Variants in DLG2 observed in about 807,000 individuals in gnomAD.
DLG2 encodes disks large homolog 2.
A neutral mutation model predicts 132.5 loss-of-function variants in DLG2; 45 were observed. That is an observed-to-expected ratio of 0.34 (90% CI 0.27 to 0.44). The LOEUF is 0.44. Ranked by LOEUF, DLG2 falls within the 20% of genes least tolerant of loss-of-function variation. The pLI is 1.00. For synonymous variants in DLG2, 424 were observed against 419.6 expected (o/e 1.01, Z -0.13); for missense variants, 1,045 against 1,196.9 (o/e 0.87, Z 1.87).
At chr11:84,396,456 C>A (rs2098811382) in intron 7 of DLG2, among the ~76,000 whole-genome samples, 1 of 152,162 alleles carries the variant, frequency 6.6e-6, no homozygotes, top group South Asian at 2.1e-4. Context: ...TACCAGACAG[C>A]ACAACATAAT....
chr11:83,632,360 G>A (rs2063706603), intron 19 of DLG2: 1 of 152,246 alleles, frequency 6.6e-6, no homozygotes, highest in African/African-American at 2.4e-5. Context: ...GGCCAGAGTG[G>A]GGAGTGGAGA....
At chr11:84,189,923 C>A (rs192290179) in intron 8 of DLG2, among the ~76,000 whole-genome samples, 1 of 151,548 alleles carries the variant, frequency 6.6e-6, no homozygotes. Flanking sequence ...ACCACCATGG[C>A]ACACGTTTCC....
intron 6 of DLG2, among the ~76,000 whole-genome samples, chr11:84,787,007 C>A (rs1330885276): frequency 6.6e-6 from 1 of 152,072 alleles, no homozygotes; most frequent in African/African-American, 2.4e-5. Flanking sequence ...GGAACCCAAA[C>A]CAATCTAATT....
chr11:84,189,280 C>A (rs1480015350), intron 8 of DLG2, among the ~76,000 whole-genome samples: 1 of 152,128 alleles, frequency 6.6e-6, no homozygotes, highest in Admixed American at 6.6e-5. Flanking sequence ...AATGAAATAC[C>A]ATCTCACACC....
At chr11:83,860,188 A>G (rs979336136) in intron 16 of DLG2, among the ~76,000 whole-genome samples, 2 of 152,356 alleles carry the variant, frequency 1.3e-5, no homozygotes, top group African/African-American at 4.8e-5. Context: ...GGCACCACCT[A>G]GTGGAGCTGT....
chr11:83,782,275 C>T (rs570864034), intron 18 of DLG2, among the ~76,000 whole-genome samples: 3 of 152,280 alleles, frequency 2.0e-5, no homozygotes, highest in Admixed American at 6.5e-5. Context: ...TGTCAACACA[C>T]TGAAAACATT....
chr11:83,906,255 TCTCACACA>T (rs1367143375), intron 15 of DLG2, among the ~76,000 whole-genome samples: 1,303 of 96,902 alleles, frequency 0.013, 49 homozygotes, highest in South Asian at 0.083. Context: ...TCTCTCTCTC[TCTCACACA>T]CACACACACA....
intron 6 of DLG2, among the ~76,000 whole-genome samples, chr11:84,631,205 C>A (rs895466964): frequency 2.6e-5 from 4 of 151,884 alleles, no homozygotes; most frequent in Admixed American, 6.6e-5. Context: ...CCTTATGGAG[C>A]AGAGACTCTA....
At chr11:85,451,551 T>C (rs1245278441) in intron 3 of DLG2, among the ~76,000 whole-genome samples, 2 of 152,246 alleles carry the variant, frequency 1.3e-5, no homozygotes, top group African/African-American at 4.8e-5. Context: ...TGTTTATATA[T>C]GTAACTTCTC....
intron 5 of DLG2, among the ~76,000 whole-genome samples, chr11:85,128,743 A>C (rs1308194402): frequency 6.6e-6 from 1 of 152,172 alleles, no homozygotes; most frequent in Non-Finnish European, 1.5e-5. Context: ...AAACATACGT[A>C]GGGAATTCCA....
At chr11:84,209,095 T>A (rs1437867032) in intron 8 of DLG2, among the ~76,000 whole-genome samples, 1 of 152,222 alleles carries the variant, frequency 6.6e-6, no homozygotes, top group East Asian at 1.9e-4. Flanking sequence ...AACACTAGTT[T>A]AACCACGTGA....
At position 84,737,938 on chromosome 11, in the gene DLG2, C is replaced by T. The variant is rs115663822; in HGVS notation, c.358-203207G>A. Among the ~76,000 whole-genome samples, 328 of 152,040 alleles carry T rather than the reference C, an allele frequency of 2.2e-3. 2 individuals are homozygous for T. The highest frequency in any genetic ancestry group is 7.7e-3 in the African/African-American group (318 of 41,502). On this transcript the variant is annotated intron_variant, in intron 6 of 27. Transcript: ENST00000376104. The stretch of plus-strand genomic sequence containing the variant: ...AAAAGTAATATAGTGTTTGTGTATA[C>T]GTGTGGGATGGAGGAGGCATTATTC...
At position 83,459,871 on chromosome 11, in the gene DLG2, T is replaced by C; in HGVS notation, c.2875A>G (p.Ile959Val). ...ATGAAAGGCCCAGATTGCTCTTCAA[T>C]AACAAGCTTGCATTGGTTATATATA... ...EDIYNQCKLV[I>V]EEQSGPFIWI... The change falls in exon 28 of 28, where the codon ATT (isoleucine) becomes GTT (valine). Residue 959 changes from isoleucine to valine, a missense_variant. Physicochemically the swap from Ile to Val is conservative, Grantham distance 29 (BLOSUM62 3). Around this residue, in one of 4 missense-constraint regions of DLG2, gnomAD observed 398 missense variants for 543.6 expected, o/e 0.73. Coordinates refer to ENST00000376104, the MANE Select transcript of DLG2 (RefSeq NM_001142699.3). 1 of 1,612,752 alleles carries C rather than the reference T, an allele frequency of 6.2e-7. No individual in the cohort carries two copies.
intron 7 of DLG2, among the ~76,000 whole-genome samples, chr11:84,312,408 G>A (rs1013216141): frequency 5.3e-5 from 8 of 152,154 alleles, no homozygotes; most frequent in South Asian, 2.1e-4. Context: ...GAACGTGGAC[G>A]GCAGAGGTTG....
chr11:84,275,693 A>G (rs1032237129), intron 7 of DLG2, among the ~76,000 whole-genome samples: 4 of 152,232 alleles, frequency 2.6e-5, no homozygotes, highest in African/African-American at 9.6e-5. Flanking sequence ...AAATGAATAC[A>G]TCAGATGTTG....
At chr11:85,117,640 GAATAAAA>G (rs1372384301) in intron 5 of DLG2, among the ~76,000 whole-genome samples, 17 of 142,162 alleles carry the variant, frequency 1.2e-4, no homozygotes, top group African/African-American at 4.1e-4. Context: ...TCGTAAATAG[GAATAAAA>G]AAAAAAACTA....
At chr11:84,495,440 C>T (rs994284732) in intron 7 of DLG2, among the ~76,000 whole-genome samples, 2 of 152,138 alleles carry the variant, frequency 1.3e-5, no homozygotes, top group Non-Finnish European at 2.9e-5. Context: ...TCAAGACATT[C>T]AAAACTACCT....
intron 8 of DLG2, among the ~76,000 whole-genome samples, chr11:84,222,179 T>C (rs1487262802): frequency 6.6e-6 from 1 of 152,054 alleles, no homozygotes; most frequent in Admixed American, 6.5e-5. Flanking sequence ...ATTACAGGCA[T>C]GTGCCACCAC....
At position 84,949,166 on chromosome 11, in the gene DLG2, G is replaced by T. The variant is rs144882202; in HGVS notation, c.357+162495C>A. Among the ~76,000 whole-genome samples, 207 of 152,222 alleles carry T rather than the reference G, an allele frequency of 1.4e-3. 1 individual carries two copies. Among genetic ancestry groups the T allele is most frequent in the African/African-American group, 4.8e-3 (201 of 41,534 alleles). On this transcript the variant is annotated intron_variant, in intron 6 of 27. Transcript: ENST00000376104. ...CCGGGGGAGACATCACACATTGGTA[G>T]GATCCGTGATGGCCCACAAGCCACA...
Sources: allele counts gnomAD v4.1 joint callset (sites outside exome capture counted in the v4.1 genomes callset), GRCh38; gene constraint gnomAD v4.1.1; regional missense constraint gnomAD v4.1.1; transcripts MANE v1.5; gene names NCBI Gene and HGNC (gene_info 2026-07-23, HGNC 2026-07-21).